The following PCDHGA1 variants were observed in gnomAD, a reference collection of about 807,000 sequenced individuals.
The protein encoded by PCDHGA1 is protocadherin gamma-A1.
In PCDHGA1, 32 loss-of-function variants were observed where a neutral mutation model predicts 58.0. That is an observed-to-expected ratio of 0.55 (90% CI 0.42 to 0.74). The LOEUF (loss-of-function observed/expected upper bound fraction) is 0.74, where lower values mean the gene tolerates loss of function less well. PCDHGA1 is among the 30% of genes least tolerant of loss of function. The probability of loss-of-function intolerance (pLI) is 0.00; values close to 1 mark genes in which losing one functional copy is unlikely to be tolerated. For synonymous variants in PCDHGA1, 498 were observed against 501.1 expected, an observed-to-expected ratio of 0.99 and a Z score of 0.08; for missense variants, 1,205 against 1,182.3, an observed-to-expected ratio of 1.02 and a Z score of -0.28.
chr5:141,372,365 C>T lies in PCDHGA1; in HGVS notation c.2421+39260C>T, dbSNP rs777698721. On this transcript the variant is annotated intron_variant, in intron 1 of 3. Coordinates refer to ENST00000517417, the MANE Select transcript of PCDHGA1 (RefSeq NM_018912.3). ...GAGGACAGCAGCCTCTTTCAGCCACCGTCATGCTGCACCTAATCTTCGCAG... is the reference window on the plus strand; with the variant it reads ...GAGGACAGCAGCCTCTTTCAGCCACTGTCATGCTGCACCTAATCTTCGCAG... 5.0e-6 allele frequency: 8 copies of T among 1,613,848 alleles called. No individual in the cohort carries two copies. The African/African-American group carries it at 6.7e-5, about 13-fold the overall frequency.
intron 1 of PCDHGA1, among the ~76,000 whole-genome samples, chr5:141,358,812 C>T (rs1446973698): frequency 6.6e-6 from 1 of 152,188 alleles, no homozygotes; most frequent in Non-Finnish European, 1.5e-5. Flanking sequence ...ATGATTTACG[C>T]TGCTTAGTAA....
At chr5:141,375,681 C>T in intron 1 of PCDHGA1, 4 of 1,614,270 alleles carry the variant, frequency 2.5e-6, no homozygotes, top group Non-Finnish European at 3.4e-6. Flanking sequence ...CTGTGGGTGA[C>T]AGCCAGCGAC....
intron 1 of PCDHGA1, chr5:141,413,618 A>G (rs1188549125): frequency 6.2e-7 from 1 of 1,613,916 alleles, no homozygotes; most frequent in Non-Finnish European, 8.5e-7. Context: ...AAAATTAATG[A>G]AAATGTCGCT....
intron 1 of PCDHGA1, among the ~76,000 whole-genome samples, chr5:141,433,837 C>CA (rs56191208): frequency 0.14 from 15,134 of 111,544 alleles, 1,164 homozygotes; most frequent in African/African-American, 0.25. Context: ...AACTCTATCT[C>CA]AAAAAAAAAA....
At position 141,409,469 on chromosome 5, in the gene PCDHGA1, G is replaced by A. The variant is rs1477896340; in HGVS notation, c.2421+76364G>A. On this transcript the variant is annotated intron_variant, in intron 1 of 3. Coordinates refer to ENST00000517417, the MANE Select transcript of PCDHGA1 (RefSeq NM_018912.3). ...GACACCAGAATACAATGTCACCATC[G>A]TAGCCACTGACAGGGGCAAGCCGCC... 9 of 1,613,740 alleles carry A rather than the reference G, an allele frequency of 5.6e-6. No individual in the cohort carries two copies. The African/African-American group carries it at 1.1e-4, about 19-fold the overall frequency.
Position 141,432,503 on chromosome 5 carries a change from G to A in PCDHGA1, c.2422-62304G>A, listed in dbSNP as rs939325676. On this transcript the variant is annotated intron_variant, in intron 1 of 3. Transcript: ENST00000517417. This position sits in a 1 kb window ranked among gnomAD's most constrained non-coding sequence, Gnocchi z 6.0. ...TGGCGTGGAGCTGGCTCCCCGCTCC[G>A]CAGAGCCCGGCTACCTGGTGACCAA... 5 of 1,613,988 alleles carry A rather than the reference G, an allele frequency of 3.1e-6. No individual in the cohort carries two copies. Among genetic ancestry groups the A allele is most frequent in the Non-Finnish European group, 2.5e-6 (3 of 1,180,038 alleles).
intron 1 of PCDHGA1, among the ~76,000 whole-genome samples, chr5:141,464,402 G>T (rs900750443): frequency 6.6e-6 from 1 of 150,722 alleles, no homozygotes; most frequent in African/African-American, 2.4e-5. Context: ...AAGAACCTGA[G>T]ATATATATAT....
chr5:141,422,156 T>C, intron 1 of PCDHGA1: 2 of 1,573,504 alleles, frequency 1.3e-6, no homozygotes, highest in Non-Finnish European at 8.6e-7. Flanking sequence ...TCTCTGGATT[T>C]TGAAAAATAT....
chr5:141,419,085 C>T (rs759272094), intron 1 of PCDHGA1: 1 of 1,613,936 alleles, frequency 6.2e-7, no homozygotes, highest in Non-Finnish European at 8.5e-7. Flanking sequence ...ACAGATGAGG[C>T]CCTGGATCGG....
At position 141,379,404 on chromosome 5, in the gene PCDHGA1, G is replaced by C. The variant is rs146281241; in HGVS notation, c.2421+46299G>C. ...ACAATTTTAAACAACTTGAATCTTGGATATTAGTCTCATGAGTTAGATGGG... is the reference window on the plus strand; with the variant it reads ...ACAATTTTAAACAACTTGAATCTTGCATATTAGTCTCATGAGTTAGATGGG... On this transcript the variant is annotated intron_variant, in intron 1 of 3. Coordinates refer to ENST00000517417, the MANE Select transcript of PCDHGA1 (RefSeq NM_018912.3). 549 of 152,154 alleles carry C rather than the reference G, an allele frequency of 3.6e-3. 6 individuals are homozygous for C. Among genetic ancestry groups the C allele is most frequent in the African/African-American group, 0.012 (518 of 41,502 alleles). 9.4% of individuals were successfully genotyped at this position (152,154 alleles called of 1,614,324 possible). A position where few individuals can be genotyped will look rare whatever the true frequency, so the allele number is the denominator to read the frequency against.
intron 1 of PCDHGA1, chr5:141,374,160 C>A: frequency 6.2e-7 from 1 of 1,612,164 alleles, no homozygotes; most frequent in Middle Eastern, 1.7e-4. Flanking sequence ...CTGTGGGGGG[C>A]CGCGGCAGCG....
intron 1 of PCDHGA1, chr5:141,365,242 A>G (rs536146431): frequency 6.2e-7 from 1 of 1,613,960 alleles, no homozygotes; most frequent in Admixed American, 1.7e-5. Flanking sequence ...TCTCAACTCT[A>G]CAATCACTGG....
intron 1 of PCDHGA1, among the ~76,000 whole-genome samples, chr5:141,447,285 A>G (rs143024915): frequency 0.046 from 7,013 of 152,060 alleles, 241 homozygotes; most frequent in African/African-American, 0.093. Context: ...GACTACAGGC[A>G]CATGCCACCA....
intron 1 of PCDHGA1, chr5:141,340,485 T>G: frequency 6.2e-7 from 1 of 1,614,154 alleles, no homozygotes; most frequent in Non-Finnish European, 8.5e-7. Context: ...TCCTCTTACA[T>G]CTCTATCAAC....
chr5:141,374,602 T>C, intron 1 of PCDHGA1: 2 of 1,613,652 alleles, frequency 1.2e-6, no homozygotes, highest in Non-Finnish European at 1.7e-6. Flanking sequence ...TTAAGCTCAG[T>C]GGTAATAGTC....
intron 3 of PCDHGA1, among the ~76,000 whole-genome samples, chr5:141,510,518 GC>G (rs2099881500): frequency 6.6e-6 from 1 of 152,112 alleles, no homozygotes; most frequent in Non-Finnish European, 1.5e-5. Context: ...CCGTGTCACA[GC>G]CCTGAGAGAA....
Position 141,331,071 on chromosome 5 carries a change from C to T in PCDHGA1, c.387C>T (p.Asn129=), listed in dbSNP as rs774100416. 1.2e-6 allele frequency: 2 copies of T among 1,614,050 alleles called. No homozygotes were observed. The highest frequency in any genetic ancestry group is 1.7e-6 in the Non-Finnish European group (2 of 1,179,948). ...TAGAAATAATTGATATTAATGACAA[C>T]ACTCCCCAATTCCAGTTAGAGGAAC... The part of the protein sequence containing the change: ...VEVEIIDIND[N]TPQFQLEELE... Residue 129 remains asparagine (N), a synonymous_variant, in exon 1 of 4, where the codon AAC becomes AAT. Coordinates refer to ENST00000517417, the MANE Select transcript of PCDHGA1 (RefSeq NM_018912.3).
rs1043628660 is a variant in PCDHGA1, at chr5:141,478,879, G to A, written c.2422-15928G>A. On this transcript the variant is annotated intron_variant, in intron 1 of 3. Coordinates refer to ENST00000517417, the MANE Select transcript of PCDHGA1 (RefSeq NM_018912.3). ...GATCTCAGCGATCAGAGTTTAGCTT[G>A]GTATCATTTACATTAGGAATAAGCT... is the stretch of plus-strand genomic sequence containing the variant. 9 of 1,243,630 alleles carry A rather than the reference G, an allele frequency of 7.2e-6. No homozygotes were observed. The African/African-American group carries it at 1.1e-4, about 15-fold the overall frequency. The allele number at this position is 1,243,630 out of a possible 1,614,324, so 77.0% of individuals were successfully genotyped here.
intron 1 of PCDHGA1, chr5:141,344,559 G>A (rs766688660): frequency 6.2e-7 from 1 of 1,614,008 alleles, no homozygotes; most frequent in South Asian, 1.1e-5. Context: ...TAGCCCCAAT[G>A]ACTACTTCTC....
Sources: allele counts gnomAD v4.1 joint callset (sites outside exome capture counted in the v4.1 genomes callset), GRCh38; gene constraint gnomAD v4.1.1; non-coding constraint Gnocchi (gnomAD v3.1); transcripts MANE v1.5; gene names NCBI Gene and HGNC (gene_info 2026-07-23, HGNC 2026-07-21).